RNLS: variants seen among roughly 807,000 people sequenced by gnomAD.
RNLS encodes the protein renalase.
RNLS carries 39 observed loss-of-function variants against 39.8 expected under a neutral mutation model. That is an observed-to-expected ratio of 0.98 (90% CI 0.76 to 1.28). The LOEUF (loss-of-function observed/expected upper bound fraction) is 1.28, where lower values mean the gene tolerates loss of function less well. Ranked by LOEUF, RNLS falls within the 50% of genes most tolerant of loss-of-function variation. The pLI is 0.00. For synonymous variants in RNLS, 147 were observed against 150.7 expected, an observed-to-expected ratio of 0.98 and a Z score of 0.18; for missense variants, 410 against 413.3, an observed-to-expected ratio of 0.99 and a Z score of 0.07.
intron 4 of RNLS, among the ~76,000 whole-genome samples, chr10:88,533,786 G>A (rs1847579132): frequency 6.6e-6 from 1 of 152,090 alleles, no homozygotes. Context: ...GGACAGTGAT[G>A]TCTAAAGTAA....
At chr10:88,187,187 AATATATATAAT>A in the RNLS span, among the ~76,000 whole-genome samples, 3 of 9,572 alleles carry the variant, frequency 3.1e-4, no homozygotes, top group Admixed American at 1.8e-3. Flanking sequence ...TAATATATAT[AATATATATAAT>A]ATATATATAA....
intron 6 of RNLS, among the ~76,000 whole-genome samples, chr10:88,287,817 C>T (rs558547137): frequency 2.0e-5 from 3 of 152,000 alleles, no homozygotes; most frequent in Admixed American, 6.5e-5. Context: ...CACAGAATAG[C>T]GGAAACTGCC....
chr10:88,582,841 C>A (rs896103296), intron 1 of RNLS, among the ~76,000 whole-genome samples: 2 of 149,510 alleles, frequency 1.3e-5, no homozygotes, highest in Non-Finnish European at 3.0e-5. Flanking sequence ...TCCTGCCGGG[C>A]CCCCACCCTC....
chr10:88,242,793 C>A, the RNLS span, among the ~76,000 whole-genome samples: 1 of 152,002 alleles, frequency 6.6e-6, no homozygotes, highest in African/African-American at 2.4e-5. Flanking sequence ...ACTAAAAATA[C>A]AAAATTAGCC....
chr10:88,547,566 C>G (rs2134315710), intron 4 of RNLS, among the ~76,000 whole-genome samples: 1 of 152,196 alleles, frequency 6.6e-6, no homozygotes, highest in East Asian at 1.9e-4. Flanking sequence ...GGATATAAAT[C>G]TTCTTTGAAG....
chr10:88,439,242 T>C (rs10887820), intron 4 of RNLS, among the ~76,000 whole-genome samples: 44,834 of 152,156 alleles, frequency 0.29, 7,443 homozygotes, highest in African/African-American at 0.46. Flanking sequence ...GGGCTGCTAG[T>C]GGATATTCAG....
the RNLS span, among the ~76,000 whole-genome samples, chr10:88,242,703 C>T: frequency 6.6e-6 from 1 of 152,162 alleles, no homozygotes; most frequent in African/African-American, 2.4e-5. Context: ...GTAATCTCAG[C>T]ACTTTGGGAG....
chr10:88,423,923 G>A (rs1296874932), intron 4 of RNLS, among the ~76,000 whole-genome samples: 2 of 152,208 alleles, frequency 1.3e-5, no homozygotes, highest in African/African-American at 4.8e-5. Flanking sequence ...TCTTGAGCCA[G>A]GCATCTGGGC....
chr10:88,423,854 G>T (rs1286501390), intron 4 of RNLS, among the ~76,000 whole-genome samples: 2 of 152,172 alleles, frequency 1.3e-5, no homozygotes, highest in Non-Finnish European at 2.9e-5. Flanking sequence ...AATACTCTCA[G>T]CAATCCACTA....
rs999950 is a variant in RNLS, at chr10:88,276,445, A to G, written c.877-1413T>C. ...TTGTTTATATTTATCCCTTTAATCC[A>G]TCTGGAAATTATAGTAATATACGGT... is the stretch of plus-strand genomic sequence containing the variant. On this transcript the variant is annotated intron_variant, in intron 6 of 6. Coordinates refer to the RNLS transcript ENST00000371947. Among the ~76,000 whole-genome samples, 43 of 152,266 alleles carry G rather than the reference A, an allele frequency of 2.8e-4. No individual in the cohort carries two copies. The East Asian group carries it at 7.9e-3, about 28-fold the overall frequency.
chr10:88,457,005 G>A (rs978095459), intron 4 of RNLS, among the ~76,000 whole-genome samples: 2 of 152,132 alleles, frequency 1.3e-5, no homozygotes, highest in African/African-American at 4.8e-5. Flanking sequence ...AAGCAAAATA[G>A]AAAATAAAGG....
chr10:88,203,341 T>TAC, the RNLS span, among the ~76,000 whole-genome samples: 1 of 13,566 alleles, frequency 7.4e-5, no homozygotes, highest in African/African-American at 3.5e-4. Context: ...TATATACACG[T>TAC]ATGTGTATAT....
At chr10:88,446,776 C>T (rs1284538435) in intron 4 of RNLS, among the ~76,000 whole-genome samples, 1 of 152,142 alleles carries the variant, frequency 6.6e-6, no homozygotes, top group Non-Finnish European at 1.5e-5. Context: ...AAGATACTGG[C>T]AAACTGAATC....
intron 4 of RNLS, among the ~76,000 whole-genome samples, chr10:88,502,450 A>G (rs1294046215): frequency 6.6e-6 from 1 of 152,208 alleles, no homozygotes; most frequent in African/African-American, 2.4e-5. Context: ...TCTCTAATGC[A>G]TCCTCAGTCT....
At chr10:88,433,184 G>A (rs1027137778) in intron 4 of RNLS, among the ~76,000 whole-genome samples, 6 of 152,034 alleles carry the variant, frequency 3.9e-5, no homozygotes, top group African/African-American at 1.4e-4. Context: ...GAGGTAGAAG[G>A]ACAGAACAGA....
At chr10:88,237,702 C>T in the RNLS span, among the ~76,000 whole-genome samples, 2 of 152,236 alleles carry the variant, frequency 1.3e-5, no homozygotes, top group African/African-American at 4.8e-5. Flanking sequence ...TGCTATATGG[C>T]ACAAATAAGG....
At chr10:88,582,486 G>C (rs1325657356) in intron 1 of RNLS, among the ~76,000 whole-genome samples, 179 bp from the exon 2 acceptor site, 1 of 152,180 alleles carries the variant, frequency 6.6e-6, no homozygotes, top group Non-Finnish European at 1.5e-5. Flanking sequence ...ATGTAACAGT[G>C]TCCAGCACCA....
At chr10:88,427,529 T>A (rs1186485519) in intron 4 of RNLS, among the ~76,000 whole-genome samples, 2 of 152,002 alleles carry the variant, frequency 1.3e-5, no homozygotes, top group Non-Finnish European at 2.9e-5. Context: ...AAACTCCAGA[T>A]GCAGGCATGA....
intron 4 of RNLS, among the ~76,000 whole-genome samples, chr10:88,487,060 C>G (rs1202371244): frequency 6.6e-6 from 1 of 152,120 alleles, no homozygotes; most frequent in Admixed American, 6.6e-5. Flanking sequence ...TTTGCAAAAA[C>G]ATGGATGAAG....
Sources: gnomAD v4.1 joint callset for allele counts (sites outside exome capture counted in the v4.1 genomes callset) on GRCh38, gnomAD v4.1.1 for gene constraint, MANE v1.5 for transcripts, NCBI Gene and HGNC (gene_info 2026-07-23, HGNC 2026-07-21) for gene names.